Variants in PGS1 observed in about 807,000 individuals in gnomAD.
PGS1 encodes CDP-diacylglycerol--glycerol-3-phosphate 3-phosphatidyltransferase, mitochondrial.
PGS1 carries 44 observed loss-of-function variants against 58.3 expected under a neutral mutation model. That is an observed-to-expected ratio of 0.75 (90% confidence interval 0.59 to 0.97). PGS1 has a LOEUF of 0.97. PGS1 is among the 50% of genes least tolerant of loss of function. The probability of loss-of-function intolerance (pLI) is 0.00; values close to 1 mark genes in which losing one functional copy is unlikely to be tolerated. For synonymous variants in PGS1, 330 were observed against 311.0 expected (o/e 1.06, Z -0.64); for missense variants, 684 against 731.1 (o/e 0.94, Z 0.74).
At chr17:78,392,994 A>G (rs1259381649) in intron 2 of PGS1, among the ~76,000 whole-genome samples, 1 of 151,840 alleles carries the variant, frequency 6.6e-6, no homozygotes, top group South Asian at 2.1e-4. Context: ...ACTGGGCTCA[A>G]GTGATCCCCC....
intron 7 of PGS1, among the ~76,000 whole-genome samples, chr17:78,406,648 C>T (rs988376442): frequency 5.9e-5 from 9 of 152,226 alleles, no homozygotes; most frequent in East Asian, 1.9e-4. Context: ...GGCCCCAGCC[C>T]GTGGCGGGTG....
Position 78,400,737 on chromosome 17 carries a change from C to A in PGS1, c.762C>A (p.Asp254Glu), listed in dbSNP as rs1317706869. Residue 254 changes from aspartate (D) to glutamate (E), a missense_variant, in exon 6 of 10, where the codon GAC becomes GAA. Physicochemically the swap from Asp to Glu is conservative, Grantham distance 45. Transcript: ENST00000262764. The surrounding 1 kb of genome is among the most constrained non-coding windows in gnomAD (Gnocchi z 4.4). The stretch of plus-strand genomic sequence containing the variant: ...AGGACCGCTACGTGTTCCTGCAGGA[C>A]TGTGCGGAGATTGCCGACTTCTTCA... ...NRQDRYVFLQ[D>E]CAEIADFFTE... 2 of 1,613,976 alleles carry A rather than the reference C, an allele frequency of 1.2e-6. No individual in the cohort carries two copies. Among genetic ancestry groups the A allele is most frequent in the African/African-American group, 2.7e-5 (2 of 74,924 alleles).
chr17:78,414,701 C>T (rs1372491178), intron 7 of PGS1, among the ~76,000 whole-genome samples, 178 bp from the exon 8 acceptor site: 3 of 152,070 alleles, frequency 2.0e-5, no homozygotes, highest in South Asian at 2.1e-4. Flanking sequence ...CTTCCTGCCG[C>T]GCCGGGGTGG....
intron 7 of PGS1, among the ~76,000 whole-genome samples, chr17:78,410,451 A>G (rs1191597978): frequency 6.7e-6 from 1 of 149,706 alleles, no homozygotes; most frequent in East Asian, 2.0e-4. Context: ...AACAAAACCA[A>G]AACTTCAGAG....
intron 6 of PGS1, among the ~76,000 whole-genome samples, chr17:78,403,176 C>T (rs909034925): frequency 2.6e-5 from 4 of 152,324 alleles, no homozygotes; most frequent in African/African-American, 9.6e-5. Flanking sequence ...GGTGTACAGC[C>T]ATGAACCTGC....
intron 9 of PGS1, among the ~76,000 whole-genome samples, chr17:78,423,432 C>T (rs577175390): frequency 5.3e-5 from 8 of 152,246 alleles, no homozygotes; most frequent in South Asian, 4.1e-4. Context: ...TGTGTGGAGG[C>T]GGCAGCTCCT....
chr17:78,388,244 C>A (rs991022966), intron 1 of PGS1, among the ~76,000 whole-genome samples: 2 of 152,264 alleles, frequency 1.3e-5, no homozygotes, highest in African/African-American at 4.8e-5. Flanking sequence ...TCCAGGGGCT[C>A]TGGGCTCATC....
At chr17:78,404,955 C>T (rs755267365) in intron 7 of PGS1, among the ~76,000 whole-genome samples, 50 of 152,014 alleles carry the variant, frequency 3.3e-4, no homozygotes, top group African/African-American at 1.2e-3. Flanking sequence ...CCACCACGCC[C>T]GGCCCTTAGC....
chr17:78,422,452 TTGA>T (rs1568018708), intron 9 of PGS1, among the ~76,000 whole-genome samples: 3 of 152,202 alleles, frequency 2.0e-5, no homozygotes, highest in Admixed American at 6.5e-5. Context: ...TTTGCAAAAC[TTGA>T]TGATCAAGCT....
At chr17:78,409,361 G>A (rs1440001963) in intron 7 of PGS1, among the ~76,000 whole-genome samples, 2 of 152,286 alleles carry the variant, frequency 1.3e-5, no homozygotes, top group Non-Finnish European at 2.9e-5. Flanking sequence ...TGGATTAAGA[G>A]ATTTCTGGCT....
chr17:78,411,846 C>T (rs1055103849), intron 7 of PGS1, among the ~76,000 whole-genome samples: 1 of 150,538 alleles, frequency 6.6e-6, no homozygotes, highest in African/African-American at 2.4e-5. Context: ...CTGACCGGAG[C>T]TCCAGACCGC....
intron 8 of PGS1, among the ~76,000 whole-genome samples, chr17:78,416,106 G>T (rs2085163024): frequency 6.6e-6 from 1 of 152,208 alleles, no homozygotes; most frequent in Admixed American, 6.5e-5. Flanking sequence ...CTGATTGATT[G>T]GGGCCTTGGT....
At chr17:78,401,564 T>C (rs1187516692) in intron 6 of PGS1, among the ~76,000 whole-genome samples, 1 of 152,130 alleles carries the variant, frequency 6.6e-6, no homozygotes, top group Non-Finnish European at 1.5e-5. Flanking sequence ...TGTCTGAACT[T>C]GGGGAGGAGG....
At chr17:78,385,192 C>A (rs933096485) in intron 1 of PGS1, among the ~76,000 whole-genome samples, 7 of 152,216 alleles carry the variant, frequency 4.6e-5, no homozygotes, top group Non-Finnish European at 1.0e-4. Flanking sequence ...AATCTCGGCT[C>A]ACTGCAACCT....
chr17:78,397,970 C>T (rs1383767631), intron 3 of PGS1: 1 of 529,462 alleles, frequency 1.9e-6, no homozygotes, highest in African/African-American at 1.9e-5. Context: ...CGTAGCGTTT[C>T]CAGGGTGGCA....
chr17:78,419,468 C>A, intron 8 of PGS1, 78 bp from the exon 9 acceptor site: 1 of 1,313,540 alleles, frequency 7.6e-7, no homozygotes, highest in South Asian at 1.2e-5. Context: ...GCCTGAGGGG[C>A]TGGGCTGGGG....
intron 1 of PGS1, among the ~76,000 whole-genome samples, chr17:78,379,282 G>C (rs1407608447): frequency 1.3e-5 from 2 of 152,248 alleles, no homozygotes; most frequent in Admixed American, 1.3e-4. Context: ...GGGATTTTGT[G>C]TATAGAGCGT....
At position 78,406,815 on chromosome 17, in the gene PGS1, G is replaced by A. The variant is rs929966484; in HGVS notation, c.1402+2726G>A. ...GAGAGGTGCAGAGGAGTGGCTAGGC[G>A]TCGCTCTCCTCAACTGCACTGTGCT... On this transcript the variant is annotated intron_variant, in intron 7 of 9. Transcript: ENST00000262764. 7.2e-5 allele frequency among the ~76,000 whole-genome samples: 11 copies of A among 152,358 alleles called. 1 individual carries two copies. The highest frequency in any genetic ancestry group is 2.1e-4 in the South Asian group (1 of 4,834).
At chr17:78,382,636 GTTTTTTTTTTT>G (rs925212152) in intron 1 of PGS1, 3 of 75,132 alleles carry the variant, frequency 4.0e-5, no homozygotes, top group Non-Finnish European at 4.8e-5. Context: ...ACACAGAATG[GTTTTTTTTTTT>G]TTTTTTTTTT....
Sources: gnomAD v4.1 joint callset for allele counts (sites outside exome capture counted in the v4.1 genomes callset) on GRCh38, gnomAD v4.1.1 for gene constraint, Gnocchi (gnomAD v3.1) non-coding constraint, MANE v1.5 for transcripts, NCBI Gene and HGNC (gene_info 2026-07-23, HGNC 2026-07-21) for gene names.